FAM135B: variants seen among roughly 807,000 people sequenced by gnomAD.
FAM135B encodes the protein family with sequence similarity 135 member B.
A neutral mutation model predicts 127.7 loss-of-function variants in FAM135B; 43 were observed. The ratio of observed to expected loss-of-function variants is 0.34; its 90% CI spans 0.26 to 0.43. FAM135B has a LOEUF of 0.43. Ranked by LOEUF, FAM135B falls within the 20% of genes least tolerant of loss-of-function variation. FAM135B has a pLI of 1.00. For missense variants in FAM135B, 1,558 were observed against 1,725.6 expected (o/e 0.90, Z 1.72); for synonymous variants, 670 against 665.1 (o/e 1.01, Z -0.11).
At chr8:138,344,678 A>G (rs12545595) in intron 2 of FAM135B, among the ~76,000 whole-genome samples, 320 of 148,396 alleles carry the variant, frequency 2.2e-3, no homozygotes, top group Non-Finnish European at 3.8e-3. Context: ...CAGGTTCATG[A>G]CATTCGCCTG....
chr8:138,195,359 G>A (rs2131114886), intron 8 of FAM135B, 52 bp from the exon 9 acceptor site: 4 of 1,561,746 alleles, frequency 2.6e-6, no homozygotes, highest in Non-Finnish European at 3.5e-6. Context: ...CTGAAATGCA[G>A]CAGTTGCTAA....
intron 9 of FAM135B, among the ~76,000 whole-genome samples, chr8:138,179,301 T>C (rs1814780937): frequency 6.6e-6 from 1 of 152,178 alleles, no homozygotes; most frequent in Admixed American, 6.5e-5. Flanking sequence ...CTGTATCCCA[T>C]CAAATTCTGG....
chr8:138,166,129 C>T (rs1278802815), intron 12 of FAM135B, among the ~76,000 whole-genome samples: 2 of 152,276 alleles, frequency 1.3e-5, no homozygotes, highest in South Asian at 2.1e-4. Flanking sequence ...TTAATACATG[C>T]TTATACTTAG....
intron 5 of FAM135B, among the ~76,000 whole-genome samples, chr8:138,253,759 T>C (rs1191541355): frequency 6.6e-6 from 1 of 152,200 alleles, no homozygotes; most frequent in African/African-American, 2.4e-5. Flanking sequence ...GTCCCTCATA[T>C]GAGAGGCTCT....
At chr8:138,289,218 C>T (rs1824918898) in intron 3 of FAM135B, among the ~76,000 whole-genome samples, 1 of 152,170 alleles carries the variant, frequency 6.6e-6, no homozygotes, top group South Asian at 2.1e-4. Flanking sequence ...CAAGCCTCTG[C>T]CATCAGGATG....
intron 6 of FAM135B, among the ~76,000 whole-genome samples, chr8:138,247,562 T>A (rs1821384475): frequency 1.3e-5 from 2 of 152,160 alleles, no homozygotes; most frequent in South Asian, 4.1e-4. Context: ...GAACTGTGAG[T>A]CAGTTAAACC....
At chr8:138,304,388 T>C (rs1826088555) in intron 3 of FAM135B, among the ~76,000 whole-genome samples, 1 of 152,168 alleles carries the variant, frequency 6.6e-6, no homozygotes, top group African/African-American at 2.4e-5. Context: ...ATTAAAATAG[T>C]GTAGAAGAAG....
chr8:138,480,079 C>T (rs904225149), intron 1 of FAM135B, among the ~76,000 whole-genome samples: 1 of 152,188 alleles, frequency 6.6e-6, no homozygotes, highest in African/African-American at 2.4e-5. Flanking sequence ...GTAACAAACA[C>T]AGCTAAACAA....
chr8:138,140,171 G>C (rs938308004), intron 17 of FAM135B, among the ~76,000 whole-genome samples: 3 of 152,182 alleles, frequency 2.0e-5, no homozygotes, highest in African/African-American at 7.2e-5. Context: ...CATTTGTTAT[G>C]TGCCATTGTG....
At chr8:138,177,310 C>T (rs1286388992) in intron 11 of FAM135B, 37 bp downstream of exon 11, 30 of 1,599,088 alleles carry the variant, frequency 1.9e-5, no homozygotes, top group Admixed American at 1.7e-5. Context: ...TGGGTGGCTG[C>T]TTTTAGGGAT....
intron 4 of FAM135B, 76 bp from the exon 5 acceptor site, chr8:138,256,835 C>T (rs1230442524): frequency 2.8e-6 from 3 of 1,081,672 alleles, no homozygotes; most frequent in Non-Finnish European, 4.2e-6. Flanking sequence ...GGTCTACTTC[C>T]CAAAGTAGAG....
intron 1 of FAM135B, among the ~76,000 whole-genome samples, chr8:138,475,088 C>T (rs1814336210): frequency 2.1e-5 from 2 of 94,834 alleles, no homozygotes; most frequent in African/African-American, 1.0e-4. Flanking sequence ...GAAAAATATA[C>T]AGTTTGAAAG....
At position 138,242,860 on chromosome 8, in the gene FAM135B, A is replaced by G; in HGVS notation, c.669+82T>C. 1 of 1,503,460 alleles carries G rather than the reference A, an allele frequency of 6.7e-7. No individual in the cohort carries two copies. The highest frequency in any genetic ancestry group is 2.3e-5 in the East Asian group (1 of 42,680). The allele number at this position is 1,503,460 out of a possible 1,614,324, so 93.1% of individuals were successfully genotyped here. A position where few individuals can be genotyped will look rare whatever the true frequency, so the allele number is the denominator to read the frequency against. ...AAAAATCTCTGAAGGGGATGTTTCAAAGAAGCATGAATCTCATAGAACATA... is the reference window on the plus strand; with the variant it reads ...AAAAATCTCTGAAGGGGATGTTTCAGAGAAGCATGAATCTCATAGAACATA... On this transcript the variant is annotated intron_variant, in intron 7 of 19. Coordinates refer to ENST00000395297, the MANE Select transcript of FAM135B (RefSeq NM_015912.4). The surrounding 1 kb of genome is among the most constrained non-coding windows in gnomAD (Gnocchi z 9.6).
In FAM135B at chr8:138,232,814, C is replaced by G. The variant is rs1344095609; in HGVS notation, c.669+10128G>C. On this transcript the variant is annotated intron_variant, in intron 7 of 19. Coordinates refer to ENST00000395297, the MANE Select transcript of FAM135B (RefSeq NM_015912.4). ...CCAGTAAAAACTTTTAATTTGAAAT[C>G]TATCCTCTTAACAAAATTGTAAGTG... Among the ~76,000 whole-genome samples, 3 of 152,154 alleles carry G rather than the reference C, an allele frequency of 2.0e-5. No individual in the cohort carries two copies. The South Asian group carries it at 6.2e-4, about 32-fold the overall frequency.
At chr8:138,379,651 C>A (rs1388857127) in intron 1 of FAM135B, among the ~76,000 whole-genome samples, 1 of 152,082 alleles carries the variant, frequency 6.6e-6, no homozygotes, top group East Asian at 1.9e-4. Flanking sequence ...GAGCCCACAG[C>A]CAACAAGGCT....
intron 7 of FAM135B, among the ~76,000 whole-genome samples, chr8:138,234,924 C>T (rs2130261007): frequency 6.6e-6 from 1 of 152,252 alleles, no homozygotes; most frequent in Non-Finnish European, 1.5e-5. Context: ...CTTTTGTGGG[C>T]CCCAGGCACC....
intron 7 of FAM135B, among the ~76,000 whole-genome samples, chr8:138,227,811 G>A (rs555838548): frequency 4.9e-4 from 70 of 141,802 alleles, no homozygotes; most frequent in African/African-American, 1.4e-3. Flanking sequence ...AAATTTTTAA[G>A]TGTACAATAC....
At chr8:138,157,481 C>G (rs1203907783) in intron 12 of FAM135B, among the ~76,000 whole-genome samples, 5 of 152,134 alleles carry the variant, frequency 3.3e-5, no homozygotes, top group Non-Finnish European at 5.9e-5. Context: ...AAAGGGTATT[C>G]AATTAGGAAA....
At chr8:138,163,743 A>G (rs1386053959) in intron 12 of FAM135B, among the ~76,000 whole-genome samples, 1 of 152,174 alleles carries the variant, frequency 6.6e-6, no homozygotes, top group East Asian at 1.9e-4. Context: ...GTCTTTATCA[A>G]CAGCATGAGA....
Sources: gnomAD v4.1 joint callset for allele counts (sites outside exome capture counted in the v4.1 genomes callset) on GRCh38, gnomAD v4.1.1 for gene constraint, Gnocchi (gnomAD v3.1) non-coding constraint, MANE v1.5 for transcripts, NCBI Gene and HGNC (gene_info 2026-07-23, HGNC 2026-07-21) for gene names.